KIFAP3: variants seen among roughly 807,000 people sequenced by gnomAD.
KIFAP3 encodes the protein kinesin-associated protein 3.
KIFAP3 carries 68 observed loss-of-function variants against 106.5 expected under a neutral mutation model. That is an observed-to-expected ratio of 0.64 (90% CI 0.53 to 0.78). KIFAP3 has a LOEUF of 0.78. Ranked by LOEUF, KIFAP3 falls within the 30% of genes least tolerant of loss-of-function variation. The pLI, the probability that KIFAP3 is intolerant of heterozygous loss-of-function variation, is 0.00. For missense variants in KIFAP3, 780 were observed against 941.8 expected, an observed-to-expected ratio of 0.83 and a Z score of 2.25; for synonymous variants, 320 against 311.5, an observed-to-expected ratio of 1.03 and a Z score of -0.29.
At position 169,978,051 on chromosome 1, in the gene KIFAP3, A is replaced by T. The variant is rs1314088199; in HGVS notation, c.1897+34T>A. The T allele has an allele frequency of 7.3e-6, 10 of 1,369,858 alleles. No homozygotes were observed. The East Asian group carries it at 2.1e-4, about 28-fold the overall frequency. The allele number at this position is 1,369,858 out of a possible 1,614,324, so 84.9% of individuals were successfully genotyped here. A position where few individuals can be genotyped will look rare whatever the true frequency, so the allele number is the denominator to read the frequency against. ...GATGCATCTTTTCTGAATATGTGAA[A>T]TATTGTTATCTACGGTAAACACTGA... On this transcript the variant is annotated intron_variant, in intron 16 of 19. Coordinates refer to ENST00000361580, the MANE Select transcript of KIFAP3 (RefSeq NM_014970.4).
At chr1:170,022,858 C>G (rs1285107044) in intron 9 of KIFAP3, among the ~76,000 whole-genome samples, 1 of 152,102 alleles carries the variant, frequency 6.6e-6, no homozygotes, top group Non-Finnish European at 1.5e-5. Context: ...TAATAATAGT[C>G]AAGATCTTTT....
chr1:169,930,041 C>T (rs1293659996), intron 19 of KIFAP3, among the ~76,000 whole-genome samples: 1 of 152,142 alleles, frequency 6.6e-6, no homozygotes, highest in East Asian at 1.9e-4. Flanking sequence ...TAATTTCATT[C>T]AAGTTATACT....
At chr1:170,066,185 C>G (rs76247916) in intron 1 of KIFAP3, among the ~76,000 whole-genome samples, 1 of 142,798 alleles carries the variant, frequency 7.0e-6, no homozygotes, top group Non-Finnish European at 1.5e-5. Context: ...ACCCCCCCCC[C>G]CATTCTTTAT....
chr1:170,027,848 AGGCCC>A (rs2102032543), intron 8 of KIFAP3, among the ~76,000 whole-genome samples: 1 of 152,248 alleles, frequency 6.6e-6, no homozygotes, highest in Admixed American at 6.5e-5. Context: ...AATTACACCA[AGGCCC>A]GGTATAATAA....
intron 17 of KIFAP3, among the ~76,000 whole-genome samples, chr1:169,964,536 C>A (rs142258642): frequency 2.0e-5 from 3 of 152,238 alleles, no homozygotes; most frequent in Admixed American, 1.3e-4. Context: ...GGGAGGAAGT[C>A]ATTGACCAAG....
intron 1 of KIFAP3, among the ~76,000 whole-genome samples, chr1:170,056,414 T>C (rs1670856409): frequency 6.6e-6 from 1 of 152,204 alleles, no homozygotes; most frequent in South Asian, 2.1e-4. Context: ...TTAATTGCAG[T>C]AAACCAATGA....
At chr1:169,937,972 T>C (rs1254479849) in intron 19 of KIFAP3, among the ~76,000 whole-genome samples, 1 of 151,850 alleles carries the variant, frequency 6.6e-6, no homozygotes, top group Non-Finnish European at 1.5e-5. Context: ...TTCTAGTCAG[T>C]TGGTTATTGC....
At chr1:170,028,943 GGAA>G (rs1178133188) in intron 8 of KIFAP3, among the ~76,000 whole-genome samples, 1 of 151,926 alleles carries the variant, frequency 6.6e-6, no homozygotes, top group Non-Finnish European at 1.5e-5. Context: ...GGAAAAAGGA[GGAA>G]GAAGACACAT....
chr1:169,959,836 G>T (rs1392994298), intron 18 of KIFAP3, among the ~76,000 whole-genome samples: 1 of 151,924 alleles, frequency 6.6e-6, no homozygotes, highest in Non-Finnish European at 1.5e-5. Flanking sequence ...AATATGTAAG[G>T]AACAGCTGTT....
At chr1:169,985,988 T>C (rs1666810141) in intron 11 of KIFAP3, among the ~76,000 whole-genome samples, 1 of 151,856 alleles carries the variant, frequency 6.6e-6, no homozygotes, top group African/African-American at 2.4e-5. Flanking sequence ...GTATAGTACA[T>C]AAAGAGAGTT....
rs371873028 is a variant in KIFAP3, at chr1:169,984,721, A to G, written c.1285-31T>C. On this transcript the variant is annotated intron_variant, in intron 11 of 19. Transcript: ENST00000361580. ...AAGAAGCACAGGGCACATTTTACTCAAGAAACAAAGACAAAAAACCAAACA... is the reference window on the plus strand; with the variant it reads ...AAGAAGCACAGGGCACATTTTACTCGAGAAACAAAGACAAAAAACCAAACA... 303 of 1,240,602 alleles carry G rather than the reference A, an allele frequency of 2.4e-4. 2 individuals carry two copies. The highest frequency in any genetic ancestry group is 3.3e-4 in the Non-Finnish European group (282 of 854,080). The allele number at this position is 1,240,602 out of a possible 1,614,324, so 76.8% of individuals were successfully genotyped here.
At chr1:170,074,788 G>A (rs1018367118), upstream of KIFAP3, 19 of 1,207,114 alleles carry the variant, frequency 1.6e-5, no homozygotes, top group Middle Eastern at 2.4e-3. Flanking sequence ...GACGCACCGG[G>A]GAGCCGAGCA....
intron 10 of KIFAP3, among the ~76,000 whole-genome samples, chr1:170,007,189 T>C (rs1338391886): frequency 6.6e-6 from 1 of 151,718 alleles, no homozygotes; most frequent in Non-Finnish European, 1.5e-5. Flanking sequence ...TGATGGGGTG[T>C]TTGTGTGGGA....
intron 19 of KIFAP3, among the ~76,000 whole-genome samples, chr1:169,929,916 A>T (rs573491981): frequency 6.6e-6 from 1 of 152,178 alleles, no homozygotes; most frequent in Non-Finnish European, 1.5e-5. Flanking sequence ...TAGTTACTAC[A>T]CTGAGATACT....
intron 1 of KIFAP3, among the ~76,000 whole-genome samples, chr1:170,057,854 G>T (rs952979622): frequency 2.0e-5 from 3 of 151,992 alleles, no homozygotes; most frequent in African/African-American, 7.2e-5. Flanking sequence ...CTTTTAGCTG[G>T]TTGCAAATTT....
intron 3 of KIFAP3, among the ~76,000 whole-genome samples, chr1:170,040,598 A>C (rs1669920525): frequency 6.6e-6 from 1 of 152,162 alleles, no homozygotes; most frequent in African/African-American, 2.4e-5. Context: ...TATACTATAC[A>C]ACCTACAATA....
intron 8 of KIFAP3, among the ~76,000 whole-genome samples, chr1:170,030,595 A>T (rs1669349970): frequency 6.6e-6 from 1 of 151,926 alleles, no homozygotes; most frequent in Non-Finnish European, 1.5e-5. Flanking sequence ...AGGTGAATAT[A>T]AGGAAATACT....
chr1:169,954,179 A>G, intron 18 of KIFAP3, 69 bp from the exon 19 acceptor site: 1 of 861,324 alleles, frequency 1.2e-6, no homozygotes, highest in Non-Finnish European at 1.9e-6. Context: ...CAAGCAATAC[A>G]ATAAGAAAAT....
chr1:169,971,196 G>A (rs1048363671), intron 17 of KIFAP3, among the ~76,000 whole-genome samples: 2 of 151,946 alleles, frequency 1.3e-5, no homozygotes, highest in African/African-American at 4.8e-5. Flanking sequence ...TAAAAAGTAT[G>A]CTAAATGTAA....
Sources: gnomAD v4.1 joint callset for allele counts (sites outside exome capture counted in the v4.1 genomes callset) on GRCh38, gnomAD v4.1.1 for gene constraint, MANE v1.5 for transcripts, NCBI Gene and HGNC (gene_info 2026-07-23, HGNC 2026-07-21) for gene names.